EML1: variants seen among roughly 807,000 people sequenced by gnomAD.
EML1 encodes echinoderm microtubule-associated protein-like 1.
EML1 carries 27 observed loss-of-function variants against 110.4 expected under a neutral mutation model. The ratio of observed to expected loss-of-function variants is 0.24; its 90% confidence interval spans 0.18 to 0.34. The LOEUF is 0.34. EML1 is among the 10% of genes least tolerant of loss of function. The pLI is 1.00. For missense variants in EML1, 741 were observed against 1,030.9 expected (o/e 0.72, Z 3.85); for synonymous variants, 344 against 385.8 (o/e 0.89, Z 1.27).
At chr14:99,832,928 A>G (rs150787677) in intron 1 of EML1, among the ~76,000 whole-genome samples, 1 of 152,278 alleles carries the variant, frequency 6.6e-6, no homozygotes, top group African/African-American at 2.4e-5. Context: ...TTCAAGGGGT[A>G]CATGTGTCGG....
chr14:99,891,072 A>G lies in EML1; in HGVS notation c.519-127A>G. On this transcript the variant is annotated intron_variant, in intron 4 of 21. Coordinates refer to ENST00000262233, the MANE Select transcript of EML1 (RefSeq NM_004434.3). ...CAGTGAAATTGGTGGTGTTTTTCTT[A>G]TTAACGTGTATAACTTATGCAGCAT... is the stretch of plus-strand genomic sequence containing the variant. The G allele has an allele frequency of 4.9e-6, 5 of 1,030,340 alleles. No individual in the cohort carries two copies. The South Asian group carries it at 7.8e-5, about 16-fold the overall frequency. 63.8% of individuals were successfully genotyped at this position (1,030,340 alleles called of 1,614,324 possible).
At chr14:99,804,865 A>G (rs1332198825) in intron 1 of EML1, among the ~76,000 whole-genome samples, 1 of 151,696 alleles carries the variant, frequency 6.6e-6, no homozygotes, top group Non-Finnish European at 1.5e-5. Context: ...GTTCCCCATG[A>G]CTCTTGGGGT....
chr14:99,865,511 C>A lies in EML1; in HGVS notation c.251-3C>A. ...CTGATATTATTTTCTGCTTGTCTTACAGCAAGACCACTGATGCAGACCCTG... is the reference window on the plus strand; with the variant it reads ...CTGATATTATTTTCTGCTTGTCTTAAAGCAAGACCACTGATGCAGACCCTG... On this transcript the variant is annotated splice_region_variant and splice_polypyrimidine_tract_variant and intron_variant, in intron 2 of 21. Coordinates refer to ENST00000262233, the MANE Select transcript of EML1 (RefSeq NM_004434.3). The A allele has an allele frequency of 1.2e-6, 2 of 1,613,802 alleles. No homozygotes were observed. Among genetic ancestry groups the A allele is most frequent in the Non-Finnish European group, 1.7e-6 (2 of 1,179,888 alleles).
rs1257806039 is a variant in EML1 at position 99,941,484 on chromosome 14, TTGTA to T, written c.*1378_*1381del. ...CATGTATTATTGAAGATGAATCTGT[TTGTA>T]TGTATCCTTGTCAAATATATTCTAT... On this transcript the variant is annotated 3_prime_UTR_variant, in exon 22 of 22. Coordinates refer to ENST00000262233, the MANE Select transcript of EML1 (RefSeq NM_004434.3). The T allele has an allele frequency of 2.6e-5, 4 of 152,238 alleles. No homozygotes were observed. The highest frequency in any genetic ancestry group is 1.3e-4 in the Admixed American group (2 of 15,288). 9.4% of individuals were successfully genotyped at this position (152,238 alleles called of 1,614,324 possible). A position where few individuals can be genotyped will look rare whatever the true frequency, so the allele number is the denominator to read the frequency against.
intron 1 of EML1, among the ~76,000 whole-genome samples, chr14:99,747,360 G>A (rs180958021): frequency 1.3e-5 from 2 of 152,084 alleles, no homozygotes; most frequent in Non-Finnish European, 2.9e-5. Context: ...GCAGGCCCGG[G>A]GTGGCACAGA....
rs757458721 is a variant in EML1, at chr14:99,827,124, A to G, written c.68-23729A>G. ...ACATGTAGAGGGGGATGACCACCTG[A>G]AGACATGGGGAGAAGACAGCCAGTG... On this transcript the variant is annotated intron_variant, in intron 1 of 21. Transcript: ENST00000262233. This position sits in a 1 kb window ranked among gnomAD's most constrained non-coding sequence, Gnocchi z 4.4. Among the ~76,000 whole-genome samples the G allele has an allele frequency of 6.6e-6, 1 of 152,190 alleles. No homozygotes were observed. The highest frequency in any genetic ancestry group is 2.4e-5 in the African/African-American group (1 of 41,448).
intron 17 of EML1, 100 bp from the exon 18 acceptor site, chr14:99,935,929 T>C: frequency 9.3e-7 from 1 of 1,077,228 alleles, no homozygotes; most frequent in Non-Finnish European, 1.4e-6. Context: ...ATTAATCTGG[T>C]GATTTTGTCT....
chr14:99,804,799 G>A (rs932288973), intron 1 of EML1, among the ~76,000 whole-genome samples: 1 of 152,128 alleles, frequency 6.6e-6, no homozygotes, highest in Non-Finnish European at 1.5e-5. Flanking sequence ...TACTTCTTCA[G>A]CACTTTTAAA....
rs546487656 is a variant in EML1 at position 99,905,928 on chromosome 14, G to C, written c.1009-1710G>C. Among the ~76,000 whole-genome samples, 1,101 of 151,282 alleles carry C rather than the reference G, an allele frequency of 7.3e-3. 8 individuals are homozygous for C. Among genetic ancestry groups the C allele is most frequent in the African/African-American group, 0.025 (1,034 of 40,802 alleles). ...AATCCCATCCTTTGCCCAGGTGTGTGCCCCCCCCTTACCCAAAATCAGCCA... is the reference window on the plus strand; with the variant it reads ...AATCCCATCCTTTGCCCAGGTGTGTCCCCCCCCCTTACCCAAAATCAGCCA... On this transcript the variant is annotated intron_variant, in intron 9 of 21. Transcript: ENST00000262233. The surrounding 1 kb of genome is among the most constrained non-coding windows in gnomAD (Gnocchi z 4.1).
At chr14:99,858,185 C>CT (rs780232044) in intron 2 of EML1, among the ~76,000 whole-genome samples, 261 of 134,924 alleles carry the variant, frequency 1.9e-3, no homozygotes, top group Middle Eastern at 0.011. Flanking sequence ...CTCCTCATTC[C>CT]TTTTTTTTTT....
intron 1 of EML1, among the ~76,000 whole-genome samples, chr14:99,751,841 G>A (rs2057179232): frequency 6.6e-6 from 1 of 152,090 alleles, no homozygotes; most frequent in Non-Finnish European, 1.5e-5. Context: ...GACCCACAGG[G>A]GTCTATCTGC....
At chr14:99,775,083 G>C (rs1183114102) in intron 1 of EML1, among the ~76,000 whole-genome samples, 3 of 152,186 alleles carry the variant, frequency 2.0e-5, no homozygotes, top group African/African-American at 7.2e-5. Flanking sequence ...ATGTAATTAG[G>C]AATGCGGTTT....
chr14:99,811,113 G>A (rs891444728), intron 1 of EML1, among the ~76,000 whole-genome samples: 2 of 148,612 alleles, frequency 1.3e-5, no homozygotes, highest in African/African-American at 4.9e-5. Flanking sequence ...GAACAACGCA[G>A]GGGTTAGGGG....
chr14:99,917,838 A>G lies in EML1; in HGVS notation c.1809A>G (p.Thr603=), dbSNP rs1351836442. 6 of 1,614,032 alleles carry G rather than the reference A, an allele frequency of 3.7e-6. No homozygotes were observed. The highest frequency in any genetic ancestry group is 8.5e-7 in the Non-Finnish European group (1 of 1,179,990). Residue 603 remains threonine (T), a synonymous_variant, in exon 16 of 22, where the codon ACA becomes ACG. Transcript: ENST00000262233. ...HPSGSVVAVG[T]LTGRWFVFDT... ...CAGGGTCTGTGGTTGCAGTCGGAAC[A>G]CTCACTGGGAGGTAAGTCCATGCCA...
intron 1 of EML1, among the ~76,000 whole-genome samples, chr14:99,752,942 G>T (rs1389268723): frequency 4.6e-5 from 7 of 152,132 alleles, no homozygotes; most frequent in African/African-American, 1.7e-4. Context: ...AAGCTGGAAG[G>T]CAGGGCGTGC....
At chr14:99,788,402 G>T (rs2057623500) in intron 1 of EML1, among the ~76,000 whole-genome samples, 10 of 152,112 alleles carry the variant, frequency 6.6e-5, no homozygotes, top group Admixed American at 6.5e-4. Context: ...ACTATGCTCA[G>T]TGCAGTCCAA....
chr14:99,875,126 T>C (rs1235309187), intron 3 of EML1: 3 of 721,106 alleles, frequency 4.2e-6, no homozygotes, highest in Non-Finnish European at 6.6e-6. Context: ...ATATTAATCA[T>C]TGACATTTAT....
At position 99,827,778 on chromosome 14, in the gene EML1, A is replaced by G. The variant is rs2058384425; in HGVS notation, c.68-23075A>G. Among the ~76,000 whole-genome samples the G allele has an allele frequency of 1.3e-5, 2 of 152,132 alleles. No homozygotes were observed. On this transcript the variant is annotated intron_variant, in intron 1 of 21. Coordinates refer to ENST00000262233, the MANE Select transcript of EML1 (RefSeq NM_004434.3). This position sits in a 1 kb window ranked among gnomAD's most constrained non-coding sequence, Gnocchi z 4.4. ...ACTTGATCTCAGATGTCCAGCCTCC[A>G]GGATTGTTTAAGCCCCCCAGTCTGT...
At chr14:99,812,282 A>G (rs1209435516) in intron 1 of EML1, among the ~76,000 whole-genome samples, 1 of 151,832 alleles carries the variant, frequency 6.6e-6, no homozygotes, top group African/African-American at 2.4e-5. Flanking sequence ...CTTCATCACC[A>G]GGCGCCATGT....
Sources: gnomAD v4.1 joint callset for allele counts (sites outside exome capture counted in the v4.1 genomes callset) on GRCh38, gnomAD v4.1.1 for gene constraint, Gnocchi (gnomAD v3.1) non-coding constraint, MANE v1.5 for transcripts, NCBI Gene and HGNC (gene_info 2026-07-23, HGNC 2026-07-21) for gene names.